The following SELENOT variants were observed in gnomAD, a reference collection of about 807,000 sequenced individuals.
The protein encoded by SELENOT is selenoprotein T.
SELENOT carries 9 observed loss-of-function variants against 24.3 expected under a neutral mutation model. That is an observed-to-expected ratio of 0.37 (90% CI 0.22 to 0.65). The LOEUF is 0.65. SELENOT is among the 30% of genes least tolerant of loss of function. The pLI is 0.60. For missense variants in SELENOT, 166 were observed against 247.6 expected (o/e 0.67, Z 2.21); for synonymous variants, 81 against 86.0 (o/e 0.94, Z 0.32).
At chr3:150,626,761 A>G (rs1459969782) in intron 4 of SELENOT, 3 of 377,360 alleles carry the variant, frequency 7.9e-6, no homozygotes, top group South Asian at 7.6e-5. Flanking sequence ...CCTTGTGTAT[A>G]TGTCCCTCCT....
intron 1 of SELENOT, among the ~76,000 whole-genome samples, chr3:150,604,358 A>G (rs1725909966): frequency 6.6e-6 from 1 of 152,184 alleles, no homozygotes; most frequent in African/African-American, 2.4e-5. Context: ...GTGGGGATTG[A>G]AAGGCTCTGA....
At chr3:150,623,232 G>T in intron 3 of SELENOT, 63 bp downstream of exon 3, 3 of 1,355,982 alleles carry the variant, frequency 2.2e-6, no homozygotes, top group South Asian at 1.8e-5. Flanking sequence ...TATTCTAATA[G>T]ATTTTCTTAT....
At chr3:150,626,031 G>A (rs1726435279) in intron 4 of SELENOT, among the ~76,000 whole-genome samples, 1 of 151,992 alleles carries the variant, frequency 6.6e-6, no homozygotes, top group Admixed American at 6.6e-5. Context: ...CACCACGCCT[G>A]GCTAATTTTT....
chr3:150,606,589 A>G (rs895922353), intron 1 of SELENOT, among the ~76,000 whole-genome samples: 1 of 152,196 alleles, frequency 6.6e-6, no homozygotes, highest in African/African-American at 2.4e-5. Flanking sequence ...TTCTCTAATC[A>G]GAGCTTAAAA....
intron 5 of SELENOT, 37 bp from the exon 6 acceptor site, chr3:150,627,622 T>G (rs1726471536): frequency 6.5e-6 from 1 of 152,874 alleles, no homozygotes; most frequent in Non-Finnish European, 1.5e-5. Flanking sequence ...TGAGTGATTT[T>G]TGCAATAAAA....
chr3:150,611,479 A>G, intron 1 of SELENOT: 1 of 1,178,846 alleles, frequency 8.5e-7, no homozygotes, highest in Non-Finnish European at 1.3e-6. Flanking sequence ...GTATAAATCA[A>G]CCTCTGGGGT....
chr3:150,611,872 G>T, intron 1 of SELENOT: 1 of 1,001,548 alleles, frequency 1.0e-6, no homozygotes, highest in Non-Finnish European at 1.5e-6. Flanking sequence ...GCGTGAAGCC[G>T]TTCATGTCTC....
At chr3:150,606,889 C>T (rs775363679) in intron 1 of SELENOT, among the ~76,000 whole-genome samples, 2 of 152,138 alleles carry the variant, frequency 1.3e-5, no homozygotes, top group African/African-American at 2.4e-5. Flanking sequence ...CCACTGCCCC[C>T]GGCTGAAATT....
intron 4 of SELENOT, among the ~76,000 whole-genome samples, chr3:150,626,370 C>T (rs1726445594): frequency 6.6e-6 from 1 of 152,118 alleles, no homozygotes; most frequent in Non-Finnish European, 1.5e-5. Flanking sequence ...GTAAGTAAAG[C>T]TTTATTAGAA....
chr3:150,613,156 G>T (rs1726133551), intron 1 of SELENOT, among the ~76,000 whole-genome samples: 1 of 152,158 alleles, frequency 6.6e-6, no homozygotes, highest in South Asian at 2.1e-4. Context: ...CTTTCTCATA[G>T]TTCTGGAGGC....
At position 150,629,853 on chromosome 3, in the gene SELENOT, C is replaced by T. The variant is rs1441406491; in HGVS notation, c.*2224C>T. The T allele has an allele frequency of 3.3e-5, 5 of 152,470 alleles. No homozygotes were observed. Among genetic ancestry groups the T allele is most frequent in the Non-Finnish European group, 1.5e-5 (1 of 67,980 alleles). The allele number at this position is 152,470 out of a possible 1,614,324, so 9.4% of individuals were successfully genotyped here. On this transcript the variant is annotated 3_prime_UTR_variant, in exon 6 of 6. Transcript: ENST00000471696. ...ATTTAGAATGTAGTTTTGTTATATT[C>T]CCAGCATTTCAATATTTATTAGTTA...
chr3:150,611,071 CTTTA>C (rs1726079024), intron 1 of SELENOT, among the ~76,000 whole-genome samples: 2 of 150,110 alleles, frequency 1.3e-5, no homozygotes, highest in Non-Finnish European at 3.0e-5. Flanking sequence ...TAGTAATAAC[CTTTA>C]TTTAAAATAG....
intron 1 of SELENOT, among the ~76,000 whole-genome samples, chr3:150,606,458 T>C (rs1229581500): frequency 6.6e-6 from 1 of 152,212 alleles, no homozygotes; most frequent in Middle Eastern, 3.2e-3. Context: ...TATCTGAGTC[T>C]GTGGTTTATT....
chr3:150,626,921 T>C, intron 4 of SELENOT, 89 bp from the exon 5 acceptor site: 1 of 1,333,996 alleles, frequency 7.5e-7, no homozygotes, highest in Non-Finnish European at 1.0e-6. Context: ...ATCCCAGTTG[T>C]GTACATAGAT....
intron 1 of SELENOT, among the ~76,000 whole-genome samples, chr3:150,606,704 T>C (rs554046024): frequency 6.6e-6 from 1 of 151,570 alleles, no homozygotes; most frequent in Admixed American, 6.6e-5. Context: ...GAGATTCTCA[T>C]GCCTCAGCCT....
At chr3:150,615,196 C>T (rs1289482491) in intron 1 of SELENOT, among the ~76,000 whole-genome samples, 2 of 151,498 alleles carry the variant, frequency 1.3e-5, no homozygotes, top group African/African-American at 2.4e-5. Context: ...GACATGAATG[C>T]ATCATTTTTT....
intron 1 of SELENOT, among the ~76,000 whole-genome samples, chr3:150,610,155 T>TAAA (rs1156603418): frequency 1.3e-5 from 2 of 152,230 alleles, no homozygotes; most frequent in Admixed American, 1.3e-4. Context: ...ATTGTCACAT[T>TAAA]ACAGTGCTTA....
intron 1 of SELENOT, among the ~76,000 whole-genome samples, chr3:150,610,912 T>C (rs1726070008): frequency 6.6e-6 from 1 of 152,134 alleles, no homozygotes; most frequent in African/African-American, 2.4e-5. Flanking sequence ...AGCAGGTTAA[T>C]GGACTTGACC....
intron 4 of SELENOT, among the ~76,000 whole-genome samples, chr3:150,625,815 A>G (rs1726427376): frequency 6.6e-6 from 1 of 151,060 alleles, no homozygotes; most frequent in South Asian, 2.1e-4. Context: ...AGTGTAAAAT[A>G]TTTACCATCT....
Sources: allele counts gnomAD v4.1 joint callset (sites outside exome capture counted in the v4.1 genomes callset), GRCh38; gene constraint gnomAD v4.1.1; transcripts MANE v1.5; gene names NCBI Gene and HGNC (gene_info 2026-07-23, HGNC 2026-07-21).